Variants in RGS7BP observed in about 807,000 individuals in gnomAD.
RGS7BP encodes the protein regulator of G protein signaling 7 binding protein.
RGS7BP carries 9 observed loss-of-function variants against 31.3 expected under a neutral mutation model. The ratio of observed to expected loss-of-function variants is 0.29; its 90% CI spans 0.17 to 0.50. The LOEUF is 0.50. Ranked by LOEUF, RGS7BP falls within the 20% of genes least tolerant of loss-of-function variation. The pLI, the probability that RGS7BP is intolerant of heterozygous loss-of-function variation, is 0.98. For synonymous variants in RGS7BP, 115 were observed against 120.1 expected (o/e 0.96, Z 0.28); for missense variants, 274 against 322.0 (o/e 0.85, Z 1.14).
rs1209466824 is a variant in RGS7BP at position 64,612,304 on chromosome 5, C to A, written c.*3052C>A. ...CCAAGGTGTCACTTAAAAAAACAAA[C>A]AAAAAAAACAAGCCAGAAAAAAAAA... is the stretch of plus-strand genomic sequence containing the variant. On this transcript the variant is annotated 3_prime_UTR_variant, in exon 6 of 6. Coordinates refer to ENST00000334025, the MANE Select transcript of RGS7BP (RefSeq NM_001029875.3). 6.6e-6 allele frequency: 1 copy of A among 150,880 alleles called. No individual in the cohort carries two copies. Among genetic ancestry groups the A allele is most frequent in the South Asian group, 2.1e-4 (1 of 4,762 alleles). 9.3% of individuals were successfully genotyped at this position (150,880 alleles called of 1,614,324 possible).
At chr5:64,523,293 A>T (rs73109054) in intron 2 of RGS7BP, among the ~76,000 whole-genome samples, 3,417 of 152,134 alleles carry the variant, frequency 0.022, 73 homozygotes, top group African/African-American at 0.056. Context: ...CCCAGGCTTC[A>T]TTGTTTGCTG....
Position 64,542,629 on chromosome 5 carries a change from T to G in RGS7BP, c.333-33145T>G, listed in dbSNP as rs539023394. ...GGAGCCCTGGTTGAGGTCAACCATTTTCCCCAAGTAGGGAGGAAGGAGCCT... is the reference window on the plus strand; with the variant it reads ...GGAGCCCTGGTTGAGGTCAACCATTGTCCCCAAGTAGGGAGGAAGGAGCCT... On this transcript the variant is annotated intron_variant, in intron 2 of 5. Transcript: ENST00000334025. Among the ~76,000 whole-genome samples the G allele has an allele frequency of 3.3e-5, 5 of 152,334 alleles. No individual in the cohort carries two copies. In the South Asian group the frequency reaches 1.0e-3, roughly 32 times the overall value.
intron 2 of RGS7BP, among the ~76,000 whole-genome samples, chr5:64,524,394 G>A (rs893269917): frequency 1.9e-4 from 29 of 152,138 alleles, no homozygotes; most frequent in African/African-American, 6.5e-4. Flanking sequence ...AGGAGATTAG[G>A]GATCAAGAAA....
Position 64,554,393 on chromosome 5 carries a change from T to C in RGS7BP, c.333-21381T>C, listed in dbSNP as rs1741874129. Among the ~76,000 whole-genome samples, 3 of 152,264 alleles carry C rather than the reference T, an allele frequency of 2.0e-5. No individual in the cohort carries two copies. The South Asian group carries it at 6.2e-4, about 32-fold the overall frequency. The stretch of plus-strand genomic sequence containing the variant: ...GGTGTTTCTGTTTGCCACCCATACC[T>C]TTGTAATTACTCCCTGTGTAAAGAG... On this transcript the variant is annotated intron_variant, in intron 2 of 5. Transcript: ENST00000334025.
intron 2 of RGS7BP, chr5:64,539,398 T>A (rs1341899444): frequency 6.6e-6 from 1 of 152,254 alleles, no homozygotes; most frequent in Non-Finnish European, 1.5e-5. Context: ...TACCAATTTT[T>A]GTCTATTATG....
At chr5:64,595,666 C>T (rs1471867253) in intron 4 of RGS7BP, among the ~76,000 whole-genome samples, 1 of 152,034 alleles carries the variant, frequency 6.6e-6, no homozygotes, top group Non-Finnish European at 1.5e-5. Context: ...TACTAATGTC[C>T]CCAGAGCTGG....
At position 64,506,880 on chromosome 5, in the gene RGS7BP, C is replaced by A; in HGVS notation, c.165+91C>A. 8.1e-7 allele frequency: 1 copy of A among 1,227,460 alleles called. No homozygotes were observed. The allele number at this position is 1,227,460 out of a possible 1,614,324, so 76.0% of individuals were successfully genotyped here. On this transcript the variant is annotated intron_variant, in intron 1 of 5. Transcript: ENST00000334025. This position sits in a 1 kb window ranked among gnomAD's most constrained non-coding sequence, Gnocchi z 4.6. ...GTTAATCATTTGCCTGAGTGCCAGC[C>A]ACTCCCCCACCCTCAGCTCCTCAAT... is the stretch of plus-strand genomic sequence containing the variant.
intron 2 of RGS7BP, among the ~76,000 whole-genome samples, chr5:64,552,035 GC>G (rs1370978188): frequency 6.6e-6 from 1 of 152,166 alleles, no homozygotes; most frequent in East Asian, 1.9e-4. Flanking sequence ...CTGGATATGT[GC>G]CTTTATCAAA....
chr5:64,541,471 G>A (rs1277374815), intron 2 of RGS7BP, among the ~76,000 whole-genome samples: 3 of 152,164 alleles, frequency 2.0e-5, no homozygotes, highest in East Asian at 3.9e-4. Context: ...GTGAGCTCAC[G>A]TACCCTGCAC....
At chr5:64,580,425 G>A (rs147012835) in intron 3 of RGS7BP, among the ~76,000 whole-genome samples, 15 of 152,204 alleles carry the variant, frequency 9.9e-5, no homozygotes, top group Admixed American at 3.3e-4. Flanking sequence ...CATGATTAAG[G>A]AAAAGTATGT....
chr5:64,550,556 C>A (rs552953068), intron 2 of RGS7BP, among the ~76,000 whole-genome samples: 1 of 149,292 alleles, frequency 6.7e-6, no homozygotes, highest in South Asian at 2.1e-4. Context: ...ATATTTCTCA[C>A]TTTGTAAAAC....
At chr5:64,538,620 G>A (rs887318305) in intron 2 of RGS7BP, among the ~76,000 whole-genome samples, 1 of 116,162 alleles carries the variant, frequency 8.6e-6, no homozygotes, top group Non-Finnish European at 1.6e-5. Context: ...GCAGTGGCAC[G>A]ATCTCAGCTC....
At chr5:64,570,827 T>C (rs180753777) in intron 2 of RGS7BP, among the ~76,000 whole-genome samples, 2 of 152,282 alleles carry the variant, frequency 1.3e-5, no homozygotes, top group Admixed American at 1.3e-4. Context: ...TACCTGTCTA[T>C]CCCTCTGTGC....
chr5:64,570,897 C>T (rs1250847022), intron 2 of RGS7BP, among the ~76,000 whole-genome samples: 2 of 152,128 alleles, frequency 1.3e-5, no homozygotes, highest in Non-Finnish European at 2.9e-5. Context: ...TACTCATAAA[C>T]AATTCAGCAT....
At chr5:64,524,074 T>C (rs1749174448) in intron 2 of RGS7BP, among the ~76,000 whole-genome samples, 1 of 152,216 alleles carries the variant, frequency 6.6e-6, no homozygotes, top group African/African-American at 2.4e-5. Context: ...TTCATGTTAT[T>C]TATATGATTT....
At chr5:64,540,047 AAG>A (rs1263857538) in intron 2 of RGS7BP, among the ~76,000 whole-genome samples, 4 of 152,158 alleles carry the variant, frequency 2.6e-5, no homozygotes, top group African/African-American at 9.7e-5. Context: ...TTAAAAATTA[AAG>A]AGAGTAAAGC....
At chr5:64,538,857 T>A (rs1056739177) in intron 2 of RGS7BP, among the ~76,000 whole-genome samples, 4 of 152,042 alleles carry the variant, frequency 2.6e-5, no homozygotes, top group African/African-American at 4.8e-5. Flanking sequence ...AGCCTTTGAG[T>A]CTAGCTTCTT....
intron 2 of RGS7BP, among the ~76,000 whole-genome samples, chr5:64,521,244 G>A (rs147351192): frequency 1.8e-4 from 28 of 152,110 alleles, no homozygotes; most frequent in African/African-American, 6.3e-4. Context: ...TGAACTTGAT[G>A]GGTTTTTTAA....
At chr5:64,520,886 G>A (rs908344180) in intron 2 of RGS7BP, among the ~76,000 whole-genome samples, 7 of 152,224 alleles carry the variant, frequency 4.6e-5, no homozygotes, top group African/African-American at 1.7e-4. Context: ...AAGTAACATT[G>A]AGGCTGGGAG....
Sources: allele counts gnomAD v4.1 joint callset (sites outside exome capture counted in the v4.1 genomes callset), GRCh38; gene constraint gnomAD v4.1.1; non-coding constraint Gnocchi (gnomAD v3.1); transcripts MANE v1.5; gene names NCBI Gene and HGNC (gene_info 2026-07-23, HGNC 2026-07-21).